XKR6: variants seen among roughly 807,000 people sequenced by gnomAD.
The protein encoded by XKR6 is XK related 6, also known as XK-related protein 6.
XKR6 carries 22 observed loss-of-function variants against 56.7 expected under a neutral mutation model. The observed-to-expected ratio is 0.39, with a 90% CI of 0.28 to 0.55. The LOEUF (loss-of-function observed/expected upper bound fraction) is 0.55, where lower values mean the gene tolerates loss of function less well. Ranked by LOEUF, XKR6 falls within the 20% of genes least tolerant of loss-of-function variation. The probability of loss-of-function intolerance (pLI) is 0.66; values close to 1 mark genes in which losing one functional copy is unlikely to be tolerated. For synonymous variants in XKR6, 524 were observed against 387.8 expected (o/e 1.35, Z -4.13); for missense variants, 852 against 889.0 (o/e 0.96, Z 0.53).
chr8:11,066,720 A>G (rs977756125), intron 1 of XKR6: 3 of 152,140 alleles, frequency 2.0e-5, no homozygotes, highest in Non-Finnish European at 4.4e-5. Context: ...CATTACAATC[A>G]TTGTGGCCAT....
At chr8:11,109,738 G>A (rs1429872623) in intron 1 of XKR6, 3 of 152,096 alleles carry the variant, frequency 2.0e-5, no homozygotes, top group Non-Finnish European at 4.4e-5. Flanking sequence ...ATTCATTCCA[G>A]TAGGGACCAA....
intron 1 of XKR6, among the ~76,000 whole-genome samples, chr8:11,139,393 T>C (rs1212570438): frequency 2.0e-5 from 3 of 152,062 alleles, no homozygotes; most frequent in South Asian, 2.1e-4. Context: ...CACCAGCCAC[T>C]AGAGGAGGCA....
intron 1 of XKR6, among the ~76,000 whole-genome samples, chr8:10,963,443 T>C (rs2129131345): frequency 6.6e-6 from 1 of 152,340 alleles, no homozygotes; most frequent in Admixed American, 6.5e-5. Context: ...CTGCCTCCAG[T>C]CTTCCTGCTG....
rs1190539043 is a variant in XKR6, at chr8:11,143,334, T to C, written c.764+57242A>G. 2.6e-5 allele frequency among the ~76,000 whole-genome samples: 4 copies of C among 152,122 alleles called. No homozygotes were observed. In the East Asian group the frequency reaches 7.7e-4, roughly 29 times the overall value. Reference sequence around the variant, plus strand: ...GCCTGGGTGACATGGCAAGACCAAGTCCCTTCTTTAAAACACACAAAAAAG... The same window carrying C: ...GCCTGGGTGACATGGCAAGACCAAGCCCCTTCTTTAAAACACACAAAAAAG... On this transcript the variant is annotated intron_variant, in intron 1 of 2. Coordinates refer to ENST00000416569, the MANE Select transcript of XKR6 (RefSeq NM_173683.4).
chr8:10,959,964 T>C (rs1452997795), intron 1 of XKR6, among the ~76,000 whole-genome samples: 1 of 152,112 alleles, frequency 6.6e-6, no homozygotes, highest in Non-Finnish European at 1.5e-5. Flanking sequence ...AAGGCAGCAC[T>C]CACACTCAGG....
chr8:11,029,221 CA>C (rs1048842246), intron 1 of XKR6, among the ~76,000 whole-genome samples: 25 of 152,180 alleles, frequency 1.6e-4, no homozygotes, highest in African/African-American at 6.0e-4. Context: ...TGTTGACCCC[CA>C]AATGCCACAC....
intron 1 of XKR6, among the ~76,000 whole-genome samples, chr8:10,948,113 C>G (rs1446245425): frequency 6.6e-6 from 1 of 152,186 alleles, no homozygotes; most frequent in Non-Finnish European, 1.5e-5. Flanking sequence ...CCAGGCACCA[C>G]CAAAATATCT....
intron 1 of XKR6, among the ~76,000 whole-genome samples, chr8:11,190,440 T>C (rs1318203746): frequency 6.6e-6 from 1 of 152,152 alleles, no homozygotes; most frequent in Non-Finnish European, 1.5e-5. Context: ...CTTTGTGTAA[T>C]GTGGAAGTCA....
chr8:11,161,607 C>G (rs895387073), intron 1 of XKR6, among the ~76,000 whole-genome samples: 1 of 152,212 alleles, frequency 6.6e-6, no homozygotes, highest in Non-Finnish European at 1.5e-5. Context: ...TTCTTTCTTT[C>G]AGATGTTTTC....
At chr8:11,091,314 C>T (rs537529651) in intron 1 of XKR6, among the ~76,000 whole-genome samples, 5 of 152,034 alleles carry the variant, frequency 3.3e-5, no homozygotes, top group South Asian at 4.2e-4. Flanking sequence ...GGTGCATGCC[C>T]ACAGTCCCAG....
At chr8:11,114,450 C>T (rs959790407) in intron 1 of XKR6, among the ~76,000 whole-genome samples, 1 of 152,148 alleles carries the variant, frequency 6.6e-6, no homozygotes, top group Admixed American at 6.5e-5. Flanking sequence ...CAGCCTCTGC[C>T]TCCTGGGTTC....
At chr8:11,195,894 C>T (rs1404995072) in intron 1 of XKR6, among the ~76,000 whole-genome samples, 3 of 151,380 alleles carry the variant, frequency 2.0e-5, no homozygotes, top group Non-Finnish European at 4.4e-5. Context: ...CCTCATGATC[C>T]GCCACCTCGG....
At chr8:11,167,890 TAAAAAAAAA>T (rs34853825) in intron 1 of XKR6, among the ~76,000 whole-genome samples, 141 of 108,378 alleles carry the variant, frequency 1.3e-3, no homozygotes, top group African/African-American at 4.2e-3. Context: ...CCCCATCTCT[TAAAAAAAAA>T]AAAAAAAAAA....
At chr8:10,914,820 C>T (rs1800508176) in intron 2 of XKR6, among the ~76,000 whole-genome samples, 2 of 152,198 alleles carry the variant, frequency 1.3e-5, no homozygotes, top group Admixed American at 1.3e-4. Context: ...CCTGGGTAGC[C>T]CCTGGCGTCC....
At chr8:11,183,175 G>C (rs1803088379) in intron 1 of XKR6, among the ~76,000 whole-genome samples, 1 of 152,172 alleles carries the variant, frequency 6.6e-6, no homozygotes, top group South Asian at 2.1e-4. Context: ...TATGAATGTG[G>C]CTGTACAAAT....
At chr8:11,131,160 T>G (rs1329694100) in intron 1 of XKR6, among the ~76,000 whole-genome samples, 1 of 152,198 alleles carries the variant, frequency 6.6e-6, no homozygotes, top group Non-Finnish European at 1.5e-5. Context: ...GAATTCAGCA[T>G]TTGTACACTC....
At chr8:10,972,877 T>C (rs1802448277) in intron 1 of XKR6, among the ~76,000 whole-genome samples, 1 of 152,250 alleles carries the variant, frequency 6.6e-6, no homozygotes, top group Admixed American at 6.5e-5. Flanking sequence ...ATACTGTGTA[T>C]ATTTTACGAT....
chr8:11,117,078 T>C (rs1799217231), intron 1 of XKR6, among the ~76,000 whole-genome samples: 1 of 152,238 alleles, frequency 6.6e-6, no homozygotes, highest in Non-Finnish European at 1.5e-5. Context: ...AGACTAACTA[T>C]AGAGTCAAAC....
chr8:11,194,846 C>T (rs1443252063), intron 1 of XKR6: 2 of 407,604 alleles, frequency 4.9e-6, no homozygotes, highest in Admixed American at 4.1e-5. Flanking sequence ...GAGCACCAGC[C>T]TTCTTACAAT....
Sources: gnomAD v4.1 joint callset for allele counts (sites outside exome capture counted in the v4.1 genomes callset) on GRCh38, gnomAD v4.1.1 for gene constraint, MANE v1.5 for transcripts, NCBI Gene and HGNC (gene_info 2026-07-23, HGNC 2026-07-21) for gene names.